C10orf105: variants seen among roughly 807,000 people sequenced by gnomAD.
C10orf105 encodes uncharacterized protein C10orf105.
C10orf105 carries 2 observed loss-of-function variants against 0.6 expected under a neutral mutation model. The observed-to-expected ratio is 3.18, with a 90% confidence interval of 1.30 to 10.01. The LOEUF is 10.01. C10orf105 is among the 30% of genes most tolerant of loss of function. C10orf105 has a pLI of 0.04. For synonymous variants in C10orf105, 95 were observed against 82.4 expected (o/e 1.15, Z -0.83); for missense variants, 209 against 191.4 (o/e 1.09, Z -0.54).
rs1564752270 is a variant in C10orf105, at chr10:71,716,106, G to GGT, written c.230_231dup (p.His78ThrfsTer115). ...TGGGGCTCACTGGGGCTCCCAGGGT[G>GGT]GTGGGGCATGCACTCGTGAGCCCTG... On this transcript the variant is annotated frameshift_variant, in exon 2 of 2. Transcript: ENST00000441508. LOFTEE classifies it low-confidence loss of function (END_TRUNC). 1 of 1,544,008 alleles carries GGT rather than the reference G, an allele frequency of 6.5e-7. No individual in the cohort carries two copies. Among genetic ancestry groups the GGT allele is most frequent in the Non-Finnish European group, 8.8e-7 (1 of 1,142,612 alleles).
At chr10:71,725,322 G>A (rs1266673537) in intron 1 of C10orf105, 1 of 1,613,178 alleles carries the variant, frequency 6.2e-7, no homozygotes, top group East Asian at 2.2e-5. Flanking sequence ...AGCACAGCAG[G>A]AGACTTCTGG....
chr10:71,727,772 A>T (rs1375491000), intron 1 of C10orf105, among the ~76,000 whole-genome samples: 1 of 152,188 alleles, frequency 6.6e-6, no homozygotes, highest in Non-Finnish European at 1.5e-5. Flanking sequence ...CTGCACTGGC[A>T]CAGCACTGGA....
At chr10:71,720,811 A>G (rs1344895361), upstream of C10orf105, among the ~76,000 whole-genome samples, 1 of 152,134 alleles carries the variant, frequency 6.6e-6, no homozygotes, top group Non-Finnish European at 1.5e-5. Flanking sequence ...CTCTCAGATG[A>G]CCAAACTGAG....
rs1035976844 is a variant in C10orf105, at chr10:71,725,034, C to A, written c.-5-8692G>T. On this transcript the variant is annotated intron_variant, in intron 1 of 1. Coordinates refer to the C10orf105 transcript ENST00000398786. Reference sequence around the variant, plus strand: ...AGGTTCTTCTGAAATATTAAAAAGGCCTCACACTACCCACATCTGTGGGTG... The same window carrying A: ...AGGTTCTTCTGAAATATTAAAAAGGACTCACACTACCCACATCTGTGGGTG... Among the ~76,000 whole-genome samples the A allele has an allele frequency of 9.9e-5, 15 of 152,204 alleles. No homozygotes were observed. The East Asian group carries it at 2.5e-3, about 25-fold the overall frequency.
upstream of C10orf105, among the ~76,000 whole-genome samples, chr10:71,721,531 C>A (rs577653727): frequency 5.9e-5 from 9 of 152,300 alleles, no homozygotes; most frequent in Middle Eastern, 0.01. Flanking sequence ...AAGTACTTAT[C>A]CATAGTGCCA....
intron 1 of C10orf105, among the ~76,000 whole-genome samples, chr10:71,728,275 G>T (rs1312248619): frequency 6.6e-6 from 1 of 151,770 alleles, no homozygotes; most frequent in Non-Finnish European, 1.5e-5. Flanking sequence ...GAACAGCTGT[G>T]CTCTGGAGTG....
intron 1 of C10orf105, chr10:71,730,450 C>G (rs778720282): frequency 1.2e-6 from 2 of 1,612,492 alleles, no homozygotes; most frequent in Non-Finnish European, 1.7e-6. Flanking sequence ...ACCTTGCACC[C>G]CTGGCCCGGC....
chr10:71,715,916 G>A lies in C10orf105; in HGVS notation c.*20C>T. ...CAGGTAGACCTAGGGGGATGTGGGG[G>A]CATGTTTGTGGACACCCCATTACAT... is the stretch of plus-strand genomic sequence containing the variant. On this transcript the variant is annotated 3_prime_UTR_variant, in exon 2 of 2. Coordinates refer to ENST00000441508, the MANE Select transcript of C10orf105 (RefSeq NM_001164375.3). The A allele has an allele frequency of 1.4e-6, 2 of 1,447,056 alleles. No homozygotes were observed. The highest frequency in any genetic ancestry group is 1.8e-6 in the Non-Finnish European group (2 of 1,097,258). 89.6% of individuals were successfully genotyped at this position (1,447,056 alleles called of 1,614,324 possible). A position where few individuals can be genotyped will look rare whatever the true frequency, so the allele number is the denominator to read the frequency against.
At chr10:71,724,396 G>A (rs541510313), upstream of C10orf105, among the ~76,000 whole-genome samples, 3 of 152,286 alleles carry the variant, frequency 2.0e-5, no homozygotes, top group East Asian at 1.9e-4. Context: ...GGGTTCAAGC[G>A]ATTCTCCTGC....
intron 1 of C10orf105, among the ~76,000 whole-genome samples, chr10:71,728,989 C>T (rs1866938829): frequency 1.3e-5 from 2 of 152,202 alleles, no homozygotes; most frequent in Middle Eastern, 6.8e-3. Context: ...TGCTATCACC[C>T]CTGGCTAATT....
upstream of C10orf105, chr10:71,723,945 TG>T: frequency 7.5e-7 from 1 of 1,337,060 alleles, no homozygotes; most frequent in Non-Finnish European, 1.0e-6. Flanking sequence ...TTTGGCAGGA[TG>T]GGGTAGGATG....
At chr10:71,732,395 G>T (rs1319391711) in intron 1 of C10orf105, 1 of 1,553,234 alleles carries the variant, frequency 6.4e-7, no homozygotes, top group Middle Eastern at 1.7e-4. Context: ...TGGGGGCAGG[G>T]AGCACCATTT....
At chr10:71,737,779 C>G (rs1379153160) in exon 1 of C10orf105, 3 of 469,074 alleles carry the variant, frequency 6.4e-6, no homozygotes, top group Non-Finnish European at 1.3e-5. Context: ...GGAGGCCTCA[C>G]CCGCGGCAGG....
intron 1 of C10orf105, chr10:71,725,295 C>T: frequency 6.2e-7 from 1 of 1,605,052 alleles, no homozygotes; most frequent in South Asian, 1.1e-5. Context: ...AACTTCTGCC[C>T]CCAACCATGG....
chr10:71,737,571 G>C (rs1839600938), intron 1 of C10orf105, among the ~76,000 whole-genome samples: 1 of 152,214 alleles, frequency 6.6e-6, no homozygotes, highest in South Asian at 2.1e-4. Flanking sequence ...CCTGTGCAGA[G>C]TCAGCAGGAC....
At chr10:71,726,102 C>T (rs536841813) in intron 1 of C10orf105, among the ~76,000 whole-genome samples, 1 of 152,330 alleles carries the variant, frequency 6.6e-6, no homozygotes, top group South Asian at 2.1e-4. Flanking sequence ...AAAACCTACA[C>T]ACAGATGTTC....
At chr10:71,720,247 TAGAAA>T (rs1866492173), upstream of C10orf105, among the ~76,000 whole-genome samples, 1 of 152,052 alleles carries the variant, frequency 6.6e-6, no homozygotes, top group South Asian at 2.1e-4. Flanking sequence ...CCTCAGCTTG[TAGAAA>T]AGCACCTTCC....
chr10:71,718,918 AG>A, intron 1 of C10orf105, among the ~76,000 whole-genome samples: 1 of 151,910 alleles, frequency 6.6e-6, no homozygotes, highest in East Asian at 1.9e-4. Context: ...AAAAAAAAAA[AG>A]GTTTTTTAAT....
At chr10:71,729,841 T>A (rs1839301951) in intron 1 of C10orf105, among the ~76,000 whole-genome samples, 1 of 145,132 alleles carries the variant, frequency 6.9e-6, no homozygotes, top group African/African-American at 2.6e-5. Context: ...TTATTATTAA[T>A]TTTTTTTTTT....
Sources: gnomAD v4.1 joint callset for allele counts (sites outside exome capture counted in the v4.1 genomes callset) on GRCh38, gnomAD v4.1.1 for gene constraint, MANE v1.5 for transcripts, NCBI Gene and HGNC (gene_info 2026-07-23, HGNC 2026-07-21) for gene names.